Variants in GBP5 observed in about 807,000 individuals in gnomAD.
The protein encoded by GBP5 is guanylate-binding protein 5.
In GBP5, 48 loss-of-function variants were observed where a neutral mutation model predicts 58.2. The ratio of observed to expected loss-of-function variants is 0.83; its 90% CI spans 0.65 to 1.05. GBP5 has a LOEUF of 1.05. Among genes scored for constraint, GBP5 ranks in the 50% least tolerant of loss-of-function variants. The pLI is 0.00. For missense variants in GBP5, 714 were observed against 686.8 expected, an observed-to-expected ratio of 1.04 and a Z score of -0.44; for synonymous variants, 248 against 251.8, an observed-to-expected ratio of 0.98 and a Z score of 0.14.
At chr1:89,261,852 G>C (rs538259529) in intron 11 of GBP5, among the ~76,000 whole-genome samples, 3 of 152,282 alleles carry the variant, frequency 2.0e-5, no homozygotes, top group African/African-American at 7.2e-5. Context: ...CAATTAACAA[G>C]TCAACAGGAA....
chr1:89,262,138 A>T, intron 11 of GBP5, 82 bp downstream of exon 11: 2 of 1,358,358 alleles, frequency 1.5e-6, no homozygotes, highest in East Asian at 4.6e-5. Context: ...GAGCCACAAG[A>T]TCTTGCTGCC....
chr1:89,265,565 A>G (rs929405277), intron 7 of GBP5, among the ~76,000 whole-genome samples: 1 of 151,416 alleles, frequency 6.6e-6, no homozygotes, highest in African/African-American at 2.4e-5. Flanking sequence ...CACCTCTACT[A>G]AAAATACAAA....
At chr1:89,267,861 G>A (rs1650289384) in intron 4 of GBP5, among the ~76,000 whole-genome samples, 3 of 152,156 alleles carry the variant, frequency 2.0e-5, no homozygotes, top group Admixed American at 2.0e-4. Context: ...CAATAATGCA[G>A]TTCACATTAA....
intron 4 of GBP5, among the ~76,000 whole-genome samples, chr1:89,268,098 T>C (rs1650297088): frequency 6.6e-6 from 1 of 152,194 alleles, no homozygotes; most frequent in Non-Finnish European, 1.5e-5. Context: ...TGACAGCAAA[T>C]TGTGTGCATG....
Position 89,262,752 on chromosome 1 carries a change from T to C in GBP5, c.1396A>G (p.Lys466Glu). Residue 466 changes from lysine to glutamate, a missense_variant, in exon 10 of 12, where the codon AAG (lysine) becomes GAG (glutamate). Lys to Glu is a moderately conservative substitution (Grantham distance 56, BLOSUM62 1). Coordinates refer to ENST00000370459, the MANE Select transcript of GBP5 (RefSeq NM_052942.5). ...AATATTGCATGACTCACAGACTCCT[T>C]GGACTTTAAATATTTCTGCAGAACT... The part of the protein sequence containing the change: ...EEVLQKYLKS[K>E]ESVSHAILQT... 6.3e-7 allele frequency: 1 copy of C among 1,580,846 alleles called. No homozygotes were observed.
At chr1:89,264,279 A>C (rs1444283391) in intron 8 of GBP5, among the ~76,000 whole-genome samples, 1 of 152,196 alleles carries the variant, frequency 6.6e-6, no homozygotes, top group African/African-American at 2.4e-5. Context: ...CGGGATTTCC[A>C]ATGATAAAGT....
chr1:89,262,067 C>T (rs1174672222), intron 11 of GBP5, 153 bp downstream of exon 11: 8 of 702,042 alleles, frequency 1.1e-5, no homozygotes, highest in African/African-American at 5.4e-5. Flanking sequence ...AAACCATATA[C>T]TTACTAAGAG....
In GBP5 at chr1:89,262,320, T is replaced by G; in HGVS notation, c.1547A>C (p.Gln516Pro). Residue 516 changes from glutamine (Q) to proline (P), a missense_variant, in exon 11 of 12, where the codon CAG becomes CCG. Gln to Pro is a moderately conservative substitution (Grantham distance 76). Coordinates refer to ENST00000370459, the MANE Select transcript of GBP5 (RefSeq NM_052942.5). ...AIQRQNEQMMQERERLHQEQV... is the reference protein window; with the variant it reads ...AIQRQNEQMMPERERLHQEQV... ...TTCCTGATGGAGTCTCTCCCTCTCC[T>G]GCATCATTTGCTCGTTCTGCCTTTG... 1.9e-6 allele frequency: 3 copies of G among 1,614,144 alleles called. No individual in the cohort carries two copies. The highest frequency in any genetic ancestry group is 2.5e-6 in the Non-Finnish European group (3 of 1,179,958).
chr1:89,269,629 A>G, intron 2 of GBP5, 55 bp from the exon 3 acceptor site: 1 of 1,275,430 alleles, frequency 7.8e-7, no homozygotes, highest in Non-Finnish European at 1.1e-6. Context: ...TTAATAAGCA[A>G]AGGAAGTCAT....
At chr1:89,263,665 T>C in intron 9 of GBP5, 71 bp downstream of exon 9, 3 of 1,055,260 alleles carry the variant, frequency 2.8e-6, no homozygotes, top group East Asian at 4.7e-5. Flanking sequence ...TACATGGCAA[T>C]TTTCCTGTTC....
Position 89,266,515 on chromosome 1 carries a change from G to A in GBP5, c.699C>T (p.Cys233=), listed in dbSNP as rs1217619780. ...CIQKFFPKKK[C]FIFDLPAHQK... ...GGTGAGCAGGTAAGTCAAAGATAAA[G>A]CATTTCTTTTTTGGAAAGAACTTCT... Residue 233 remains cysteine, a synonymous_variant, in exon 7 of 12, where the codon TGC becomes TGT. Coordinates refer to ENST00000370459, the MANE Select transcript of GBP5 (RefSeq NM_052942.5). 1.2e-6 allele frequency: 2 copies of A among 1,613,870 alleles called. No homozygotes were observed. The highest frequency in any genetic ancestry group is 1.3e-5 in the African/African-American group (1 of 74,928).
chr1:89,265,524 C>G (rs1007266647), intron 7 of GBP5, among the ~76,000 whole-genome samples: 1 of 151,170 alleles, frequency 6.6e-6, no homozygotes, highest in Non-Finnish European at 1.5e-5. Context: ...GTGAGGAGAT[C>G]GAGACCATCT....
At position 89,272,523 on chromosome 1, in the gene GBP5, T is replaced by G. The variant is rs1317795877; in HGVS notation, c.-199A>C. 1 of 165,048 alleles carries G rather than the reference T, an allele frequency of 6.1e-6. No homozygotes were observed. The highest frequency in any genetic ancestry group is 6.5e-5 in the Admixed American group (1 of 15,466). 10.2% of individuals were successfully genotyped at this position (165,048 alleles called of 1,614,324 possible). A position where few individuals can be genotyped will look rare whatever the true frequency, so the allele number is the denominator to read the frequency against. On this transcript the variant is annotated 5_prime_UTR_variant, in exon 1 of 12. Transcript: ENST00000370459. The stretch of plus-strand genomic sequence containing the variant: ...AAGCCGCGGACCCTAGCGTTGAGTG[T>G]CACGGTTCTTAAAGGTGGCGTGTCA...
intron 1 of GBP5, chr1:89,271,126 G>A (rs959149227): frequency 6.6e-6 from 1 of 152,180 alleles, no homozygotes; most frequent in African/African-American, 2.4e-5. Flanking sequence ...ATGTGTTCAA[G>A]CCACAAACAT....
Position 89,263,928 on chromosome 1 carries a change from C to G in GBP5, c.1170G>C (p.Gln390His). The change falls in exon 9 of 12, where the codon CAG becomes CAC. Residue 390 changes from glutamine (Q) to histidine (H), a missense_variant. Physicochemically the swap from Gln to His is conservative, Grantham distance 24 (BLOSUM62 0). Coordinates refer to ENST00000370459, the MANE Select transcript of GBP5 (RefSeq NM_052942.5). ...KELETLLDAK[Q>H]NDICKRNLEA... is the part of the protein sequence containing the mutation. ...CCAGGTTCCGTTTACAAATGTCATT[C>G]TGTTTTGCATCTAGTAGAGTCTTCA... is the stretch of plus-strand genomic sequence containing the variant. 1 of 1,609,612 alleles carries G rather than the reference C, an allele frequency of 6.2e-7. No individual in the cohort carries two copies.
chr1:89,261,195 C>A (rs577600319), intron 11 of GBP5, among the ~76,000 whole-genome samples: 1 of 152,182 alleles, frequency 6.6e-6, no homozygotes, highest in Non-Finnish European at 1.5e-5. Context: ...TAAGTGACAT[C>A]GGAATCAGGT....
rs916218713 is a variant in GBP5, at chr1:89,267,143, C to G, written c.439G>C (p.Glu147Gln). The G allele has an allele frequency of 1.3e-6, 2 of 1,591,752 alleles. No homozygotes were observed. Among genetic ancestry groups the G allele is most frequent in the Non-Finnish European group, 1.7e-6 (2 of 1,171,864 alleles). Residue 147 changes from glutamate to glutamine, a missense_variant, in exon 6 of 12, where the codon GAA becomes CAA. Glu to Gln is a conservative substitution (Grantham distance 29, BLOSUM62 2). Transcript: ENST00000370459. ...CTTGCCTTGAGCAGATCTGTCAGTT[C>G]TGTCACATTGCTGAGATGCAATTAA... ...GAIDLLHNVTELTDLLKARNS... is the reference protein window; with the variant it reads ...GAIDLLHNVTQLTDLLKARNS...
At chr1:89,271,048 A>G (rs889809556) in intron 1 of GBP5, 186 bp from the exon 2 acceptor site, 1 of 152,206 alleles carries the variant, frequency 6.6e-6, no homozygotes, top group Non-Finnish European at 1.5e-5. Context: ...GTTGTCCCCA[A>G]TGTCATCTGG....
intron 8 of GBP5, among the ~76,000 whole-genome samples, 193 bp downstream of exon 8, chr1:89,264,493 A>G (rs1317198692): frequency 6.6e-6 from 1 of 152,230 alleles, no homozygotes; most frequent in African/African-American, 2.4e-5. Context: ...ATATGGGAAA[A>G]CTTCAGAATC....
Sources: gnomAD v4.1 joint callset for allele counts (sites outside exome capture counted in the v4.1 genomes callset) on GRCh38, gnomAD v4.1.1 for gene constraint, MANE v1.5 for transcripts, NCBI Gene and HGNC (gene_info 2026-07-23, HGNC 2026-07-21) for gene names.